Variants in VPS8 observed in about 807,000 individuals in gnomAD.
The protein encoded by VPS8 is vacuolar protein sorting-associated protein 8 homolog.
Under a neutral mutation model 216.4 loss-of-function variants are expected in VPS8, and 129 were observed. The observed-to-expected ratio is 0.60, with a 90% CI of 0.52 to 0.69. The LOEUF (loss-of-function observed/expected upper bound fraction) is 0.69, where lower values mean the gene tolerates loss of function less well. Ranked by LOEUF, VPS8 falls within the 30% of genes least tolerant of loss-of-function variation. The pLI is 0.00. For synonymous variants in VPS8, 571 were observed against 565.4 expected (o/e 1.01, Z -0.14); for missense variants, 1,531 against 1,683.5 (o/e 0.91, Z 1.59).
chr3:185,032,462 G>A (rs1448986797), intron 46 of VPS8, among the ~76,000 whole-genome samples: 1 of 152,140 alleles, frequency 6.6e-6, no homozygotes, highest in Non-Finnish European at 1.5e-5. Context: ...GGAGTGGGTG[G>A]AGGGAATGGA....
At chr3:184,890,864 T>C (rs903600169) in intron 22 of VPS8, among the ~76,000 whole-genome samples, 1 of 152,096 alleles carries the variant, frequency 6.6e-6, no homozygotes. Flanking sequence ...TTCATTTCAA[T>C]TTGGTTTTGT....
At chr3:185,041,636 G>A (rs932498715) in intron 46 of VPS8, among the ~76,000 whole-genome samples, 2 of 152,184 alleles carry the variant, frequency 1.3e-5, no homozygotes, top group Non-Finnish European at 2.9e-5. Flanking sequence ...ATGTGTGACA[G>A]AGCCACTAGC....
At chr3:184,887,926 C>G (rs750178838) in intron 22 of VPS8, among the ~76,000 whole-genome samples, 1 of 151,448 alleles carries the variant, frequency 6.6e-6, no homozygotes, top group African/African-American at 2.4e-5. Context: ...TGTTTTAACT[C>G]TAGTGTTACG....
intron 37 of VPS8, among the ~76,000 whole-genome samples, chr3:184,959,864 G>A (rs926778296): frequency 2.0e-5 from 3 of 149,656 alleles, no homozygotes; most frequent in South Asian, 4.2e-4. Flanking sequence ...TATACTTTAA[G>A]TTCTAGTATA....
chr3:184,839,529 T>A (rs75232593), intron 6 of VPS8, 169 bp from the exon 7 acceptor site: 44,393 of 594,368 alleles, frequency 0.075, 1,901 homozygotes, highest in Non-Finnish European at 0.089. Flanking sequence ...AGAAATAAAA[T>A]GTCCTGAGTT....
At chr3:184,982,894 C>T (rs1030745775) in intron 41 of VPS8, 118 bp from the exon 42 acceptor site, 2 of 913,288 alleles carry the variant, frequency 2.2e-6, no homozygotes, top group South Asian at 2.3e-5. Context: ...TCAAAGAGGC[C>T]TTGGTTAGCT....
intron 36 of VPS8, among the ~76,000 whole-genome samples, chr3:184,941,752 G>T (rs1742742397): frequency 2.0e-5 from 3 of 151,946 alleles, no homozygotes; most frequent in African/African-American, 7.2e-5. Flanking sequence ...TCACTGCTCT[G>T]CCCTTAGGAT....
chr3:184,886,167 G>A lies in VPS8; in HGVS notation c.1781+11G>A, dbSNP rs116883359. On this transcript the variant is annotated intron_variant, in intron 22 of 47. Transcript: ENST00000625842. ...TCTGCTGCAGCGAAAGTGAGTATGC[G>A]TTGCCTGTCACATTCAATTATTTTG... 1.1e-4 allele frequency: 182 copies of A among 1,603,220 alleles called. 1 individual carries two copies. In the East Asian group the frequency reaches 2.4e-3, roughly 21 times the overall value.
chr3:184,857,752 A>G (rs981027457), intron 14 of VPS8, among the ~76,000 whole-genome samples: 1 of 152,172 alleles, frequency 6.6e-6, no homozygotes, highest in South Asian at 2.1e-4. Context: ...AGGGGTTAGC[A>G]AGCTTTTTGT....
intron 1 of VPS8, among the ~76,000 whole-genome samples, chr3:184,813,468 T>G (rs904887487): frequency 1.3e-5 from 2 of 152,218 alleles, no homozygotes; most frequent in Non-Finnish European, 2.9e-5. Flanking sequence ...AATCTGCATA[T>G]GTTTGTGTAA....
At chr3:184,907,244 A>G (rs1270655248) in intron 25 of VPS8, among the ~76,000 whole-genome samples, 1 of 152,210 alleles carries the variant, frequency 6.6e-6, no homozygotes, top group African/African-American at 2.4e-5. Context: ...TCAACCTTCC[A>G]CTGAATACAC....
intron 24 of VPS8, 129 bp from the exon 25 acceptor site, chr3:184,900,792 T>C: frequency 1.3e-6 from 1 of 767,150 alleles, no homozygotes; most frequent in Admixed American, 3.2e-5. Flanking sequence ...ATTAAAGGTT[T>C]TCATATTTAA....
intron 32 of VPS8, among the ~76,000 whole-genome samples, chr3:184,928,763 CAT>C (rs903804345): frequency 1.3e-5 from 2 of 152,086 alleles, no homozygotes; most frequent in African/African-American, 4.8e-5. Context: ...ATTGTTTAAA[CAT>C]AAAGTGAAAT....
chr3:184,996,176 G>A (rs1357716794), intron 43 of VPS8, among the ~76,000 whole-genome samples, 156 bp from the exon 44 acceptor site: 2 of 152,050 alleles, frequency 1.3e-5, no homozygotes, highest in South Asian at 2.1e-4. Context: ...AGGTTTTGAT[G>A]TTTTTTTGTT....
intron 10 of VPS8, among the ~76,000 whole-genome samples, chr3:184,850,865 A>C (rs1402922124): frequency 6.6e-6 from 1 of 152,246 alleles, no homozygotes; most frequent in Admixed American, 6.5e-5. Flanking sequence ...CTTCTGTGAC[A>C]GAGCAGCGTT....
Position 184,915,051 on chromosome 3 carries a change from C to G in VPS8, c.2260C>G (p.Gln754Glu). 22 of 1,613,800 alleles carry G rather than the reference C, an allele frequency of 1.4e-5. No homozygotes were observed. The highest frequency in any genetic ancestry group is 1.9e-5 in the Non-Finnish European group (22 of 1,179,712). ...PEDLVPLVKN[Q>E]VFEFLIRLHS... The stretch of plus-strand genomic sequence containing the variant: ...AGATCTGGTTCCCTTGGTTAAAAAC[C>G]AGGTTGGTACTATTTTTATAGCCTT... Residue 754 changes from glutamine (Q) to glutamate (E), a missense_variant and splice_region_variant, in exon 27 of 48, where the codon CAG (glutamine) becomes GAG (glutamate). Physicochemically the swap from Gln to Glu is conservative, Grantham distance 29 (BLOSUM62 2). This residue lies in a region of VPS8 where 1,318 missense variants were observed against 1,468.4 expected (regional missense o/e 0.90). Coordinates refer to ENST00000625842, the MANE Select transcript of VPS8 (RefSeq NM_001009921.3).
chr3:184,943,604 T>G (rs750694496), intron 36 of VPS8, among the ~76,000 whole-genome samples: 13 of 152,228 alleles, frequency 8.5e-5, no homozygotes, highest in Non-Finnish European at 1.8e-4. Context: ...TTGTTCTTTT[T>G]AAGCAATAGA....
At chr3:184,885,551 C>T (rs546393827) in intron 21 of VPS8, among the ~76,000 whole-genome samples, 62 of 152,294 alleles carry the variant, frequency 4.1e-4, no homozygotes, top group Admixed American at 3.1e-3. Context: ...ATATGGGCAA[C>T]CTAAATCACC....
chr3:184,997,545 A>T (rs995913115), intron 44 of VPS8, among the ~76,000 whole-genome samples: 1 of 152,208 alleles, frequency 6.6e-6, no homozygotes, highest in African/African-American at 2.4e-5. Flanking sequence ...TTTATTGAGC[A>T]CCTGCTGTAT....
Sources: allele counts gnomAD v4.1 joint callset (sites outside exome capture counted in the v4.1 genomes callset), GRCh38; gene constraint gnomAD v4.1.1; regional missense constraint gnomAD v4.1.1; transcripts MANE v1.5; gene names NCBI Gene and HGNC (gene_info 2026-07-23, HGNC 2026-07-21).